SYNRG: variants seen among roughly 807,000 people sequenced by gnomAD.
SYNRG encodes the protein AP1 gamma subunit binding protein 1.
SYNRG carries 37 observed loss-of-function variants against 130.9 expected under a neutral mutation model. That is an observed-to-expected ratio of 0.28 (90% CI 0.22 to 0.37). SYNRG has a LOEUF of 0.37. Ranked by LOEUF, SYNRG falls within the 10% of genes least tolerant of loss-of-function variation. The pLI is 1.00. For missense variants in SYNRG, 1,338 were observed against 1,588.9 expected, an observed-to-expected ratio of 0.84 and a Z score of 2.68; for synonymous variants, 539 against 568.1, an observed-to-expected ratio of 0.95 and a Z score of 0.73.
chr17:37,563,842 G>T (rs905013720), intron 11 of SYNRG, among the ~76,000 whole-genome samples: 1 of 150,182 alleles, frequency 6.7e-6, no homozygotes, highest in Non-Finnish European at 1.5e-5. Context: ...AGCCTTCCCC[G>T]CCAGCTTTTT....
chr17:37,569,016 A>G, intron 10 of SYNRG, 92 bp from the exon 11 acceptor site: 1 of 1,428,590 alleles, frequency 7.0e-7, no homozygotes, highest in Non-Finnish European at 9.5e-7. Context: ...CTGCCTTTAA[A>G]ATTTCTCAGT....
At chr17:37,555,926 A>T (rs1269334271) in intron 13 of SYNRG, among the ~76,000 whole-genome samples, 1 of 152,164 alleles carries the variant, frequency 6.6e-6, no homozygotes, top group Non-Finnish European at 1.5e-5. Context: ...ATAAAAAAAC[A>T]AATAAATATA....
At chr17:37,592,655 G>A (rs2062303223) in intron 3 of SYNRG, among the ~76,000 whole-genome samples, 1 of 152,168 alleles carries the variant, frequency 6.6e-6, no homozygotes, top group South Asian at 2.1e-4. Flanking sequence ...TATTCTAAGC[G>A]ACAAACGCCA....
intron 19 of SYNRG, among the ~76,000 whole-genome samples, chr17:37,527,853 TTAAA>T (rs1449489334): frequency 1.3e-5 from 2 of 152,122 alleles, no homozygotes; most frequent in African/African-American, 2.4e-5. Context: ...CATTTCCAGC[TTAAA>T]TAAACATCAA....
At chr17:37,558,140 G>A (rs2059254560) in intron 13 of SYNRG, among the ~76,000 whole-genome samples, 1 of 152,146 alleles carries the variant, frequency 6.6e-6, no homozygotes, top group Admixed American at 6.5e-5. Context: ...GGAAGAAATG[G>A]CTATTACATT....
intron 6 of SYNRG, among the ~76,000 whole-genome samples, chr17:37,580,501 G>T (rs1484134771): frequency 7.4e-6 from 1 of 135,534 alleles, no homozygotes; most frequent in African/African-American, 3.3e-5. Context: ...GTGTGTGTGT[G>T]TGTGTGTGTG....
rs1347497245 is a variant in SYNRG at position 37,572,873 on chromosome 17, G to T, written c.902-886C>A. Among the ~76,000 whole-genome samples, 25 of 152,126 alleles carry T rather than the reference G, an allele frequency of 1.6e-4. 1 individual carries two copies. The highest frequency in any genetic ancestry group is 1.6e-3 in the Admixed American group (25 of 15,282). On this transcript the variant is annotated intron_variant, in intron 8 of 21. Coordinates refer to ENST00000612223, the MANE Select transcript of SYNRG (RefSeq NM_007247.6). The stretch of plus-strand genomic sequence containing the variant: ...AGTGGGAAATGTTGTTAGATACAGG[G>T]CTAAAATAAAGAATGCCAATATTGC...
Position 37,553,924 on chromosome 17 carries a change from A to G in SYNRG, c.1799T>C (p.Ile600Thr). 1.2e-6 allele frequency: 2 copies of G among 1,611,494 alleles called. No homozygotes were observed. Among genetic ancestry groups the G allele is most frequent in the East Asian group, 4.5e-5 (2 of 44,882 alleles). ...CACTTGTGTTTGTTGTTTCTGTTGT[A>G]TAGTTCCTGAGGGGAAGGATGGTGG... ...TFPPSFPSGT[I>T]QQKQQTQVKN... The change falls in exon 14 of 22, where the codon ATA becomes ACA. Residue 600 changes from isoleucine (I) to threonine (T), a missense_variant. By Grantham distance (89) the Ile-to-Thr change is moderately conservative (BLOSUM62 -1). Coordinates refer to ENST00000612223, the MANE Select transcript of SYNRG (RefSeq NM_007247.6).
intron 10 of SYNRG, among the ~76,000 whole-genome samples, chr17:37,569,951 C>A (rs541590798): frequency 3.3e-5 from 5 of 152,144 alleles, no homozygotes. Context: ...TTAATGATTA[C>A]CACTGTGTGA....
intron 13 of SYNRG, among the ~76,000 whole-genome samples, chr17:37,560,447 G>A (rs182456801): frequency 1.0e-4 from 15 of 148,584 alleles, no homozygotes; most frequent in Non-Finnish European, 1.6e-4. Flanking sequence ...AGCGATTCTT[G>A]TGCCTCAACC....
At chr17:37,593,727 A>C (rs537433330) in intron 3 of SYNRG, among the ~76,000 whole-genome samples, 1 of 152,182 alleles carries the variant, frequency 6.6e-6, no homozygotes, top group East Asian at 1.9e-4. Context: ...TCTACTAAAA[A>C]TACAAAATTA....
chr17:37,529,692 A>C, intron 19 of SYNRG: 1 of 1,234,832 alleles, frequency 8.1e-7, no homozygotes, highest in Non-Finnish European at 1.1e-6. Context: ...TACCTCAAGA[A>C]GTAAACGCAC....
intron 19 of SYNRG, among the ~76,000 whole-genome samples, chr17:37,525,899 G>A (rs888165916): frequency 2.6e-5 from 4 of 152,248 alleles, no homozygotes; most frequent in Non-Finnish European, 4.4e-5. Flanking sequence ...CCAGGAGGTG[G>A]AGGTTGAAGT....
Position 37,600,391 on chromosome 17 carries a change from A to C in SYNRG, c.90T>G (p.Pro30=), listed in dbSNP as rs1345487968. The change falls in exon 2 of 22, where the codon CCT becomes CCG. Residue 30 remains proline (P), a synonymous_variant. Coordinates refer to ENST00000612223, the MANE Select transcript of SYNRG (RefSeq NM_007247.6). ...GAGGGGGTCTTATCCCACCTGCAAC[A>C]GGAAACATGAAGCTGAAAACAGAAT... ...GSAGGGGFMF[P]VAGGIRPPQA... is the part of the protein sequence containing the mutation. 6.2e-7 allele frequency: 1 copy of C among 1,613,644 alleles called. No individual in the cohort carries two copies. The highest frequency in any genetic ancestry group is 1.7e-5 in the Admixed American group (1 of 59,998).
At chr17:37,539,013 T>C (rs1305646948) in intron 17 of SYNRG, 179 bp downstream of exon 17, 1 of 981,236 alleles carries the variant, frequency 1.0e-6, no homozygotes, top group East Asian at 1.1e-4. Flanking sequence ...CGGTCTGCTA[T>C]TGTAAGTGTG....
In SYNRG at chr17:37,540,465, A is replaced by T. The variant is rs1337611959; in HGVS notation, c.3281T>A (p.Phe1094Tyr). 2 of 1,613,896 alleles carry T rather than the reference A, an allele frequency of 1.2e-6. No individual in the cohort carries two copies. The highest frequency in any genetic ancestry group is 3.3e-5 in the Admixed American group (2 of 59,990). ...SSPSPALEQP[F>Y]RDRSNTLNEK... Reference sequence around the variant, plus strand: ...ATTCAGAGTATTGGAACGGTCTCTGAAAGGCTGCTCCAAAGCTGGAGAAGG... The same window carrying T: ...ATTCAGAGTATTGGAACGGTCTCTGTAAGGCTGCTCCAAAGCTGGAGAAGG... The change falls in exon 16 of 22, where the codon TTC becomes TAC. Residue 1094 changes from phenylalanine to tyrosine, a missense_variant. This residue lies in a region of SYNRG where 1,146 missense variants were observed against 1,342.3 expected (regional missense o/e 0.85). Transcript: ENST00000612223.
At chr17:37,567,183 T>C (rs1341173064) in intron 11 of SYNRG, 1 of 152,322 alleles carries the variant, frequency 6.6e-6, no homozygotes, top group African/African-American at 2.4e-5. Context: ...GGCTGGAGTG[T>C]AAGTCATGGG....
At chr17:37,565,426 T>C (rs2059862246) in intron 11 of SYNRG, among the ~76,000 whole-genome samples, 2 of 151,826 alleles carry the variant, frequency 1.3e-5, no homozygotes, top group African/African-American at 2.4e-5. Flanking sequence ...TGCCTTGGCC[T>C]CCCAAAGTGC....
chr17:37,607,955 C>CAAAAAAAAAAAAA (rs67822733), intron 1 of SYNRG, among the ~76,000 whole-genome samples: 10 of 51,108 alleles, frequency 2.0e-4, no homozygotes, highest in East Asian at 1.3e-3. Flanking sequence ...GACTTCCTCT[C>CAAAAAAAAAAAAA]AAAAAAAAAA....
Sources: allele counts gnomAD v4.1 joint callset (sites outside exome capture counted in the v4.1 genomes callset), GRCh38; gene constraint gnomAD v4.1.1; regional missense constraint gnomAD v4.1.1; transcripts MANE v1.5; gene names NCBI Gene and HGNC (gene_info 2026-07-23, HGNC 2026-07-21).